Variants in RAB28 observed in about 807,000 individuals in gnomAD.
RAB28 encodes ras-related protein Rab-28.
RAB28 carries 24 observed loss-of-function variants against 31.7 expected under a neutral mutation model. The ratio of observed to expected loss-of-function variants is 0.76; its 90% confidence interval spans 0.55 to 1.06. The LOEUF (loss-of-function observed/expected upper bound fraction) is 1.06. Ranked by LOEUF, RAB28 falls within the 50% of genes least tolerant of loss-of-function variation. The probability of loss-of-function intolerance (pLI) is 0.00; values close to 1 mark genes in which losing one functional copy is unlikely to be tolerated. For missense variants in RAB28, 254 were observed against 258.5 expected, an observed-to-expected ratio of 0.98 and a Z score of 0.12; for synonymous variants, 100 against 90.4, an observed-to-expected ratio of 1.11 and a Z score of -0.60.
At chr4:13,440,777 A>C (rs1183148651) in intron 4 of RAB28, among the ~76,000 whole-genome samples, 1 of 152,106 alleles carries the variant, frequency 6.6e-6, no homozygotes, top group Non-Finnish European at 1.5e-5. Context: ...AGAGGTAATT[A>C]AGGTAAAATG....
intron 4 of RAB28, among the ~76,000 whole-genome samples, chr4:13,399,769 T>C (rs1248581676): frequency 1.3e-5 from 2 of 152,210 alleles, no homozygotes; most frequent in Non-Finnish European, 2.9e-5. Flanking sequence ...CTTTTTCTTG[T>C]AGATTTGAAA....
chr4:13,449,207 G>C (rs1714845217), intron 4 of RAB28, among the ~76,000 whole-genome samples: 1 of 151,864 alleles, frequency 6.6e-6, no homozygotes, highest in African/African-American at 2.4e-5. Flanking sequence ...TTTTATACAA[G>C]TTGATATGAA....
At chr4:13,428,023 T>G (rs1713605372) in intron 4 of RAB28, among the ~76,000 whole-genome samples, 1 of 152,166 alleles carries the variant, frequency 6.6e-6, no homozygotes, top group Non-Finnish European at 1.5e-5. Flanking sequence ...CGTGATGGAT[T>G]GAGCAAGCAG....
intron 4 of RAB28, among the ~76,000 whole-genome samples, chr4:13,435,017 C>CAAAAAAA (rs991889676): frequency 8.5e-5 from 4 of 47,012 alleles, no homozygotes; most frequent in East Asian, 6.4e-4. Context: ...GACTCCGTCT[C>CAAAAAAA]AAAAAAAAAA....
At chr4:13,457,977 A>C (rs895971805) in intron 4 of RAB28, among the ~76,000 whole-genome samples, 1 of 152,200 alleles carries the variant, frequency 6.6e-6, no homozygotes, top group African/African-American at 2.4e-5. Context: ...CACATACTTA[A>C]CCATAATATA....
At chr4:13,458,850 T>C (rs1715443785) in intron 4 of RAB28, among the ~76,000 whole-genome samples, 1 of 152,232 alleles carries the variant, frequency 6.6e-6, no homozygotes, top group East Asian at 1.9e-4. Flanking sequence ...GGCCATACCA[T>C]ATAGGTTTGT....
chr4:13,444,618 G>A (rs960524958), intron 4 of RAB28, among the ~76,000 whole-genome samples: 1 of 152,104 alleles, frequency 6.6e-6, no homozygotes, highest in Non-Finnish European at 1.5e-5. Context: ...TTTACATTTC[G>A]AACAGTATAC....
At chr4:13,389,869 A>G (rs550350125) in intron 4 of RAB28, among the ~76,000 whole-genome samples, 3 of 149,334 alleles carry the variant, frequency 2.0e-5, no homozygotes, top group African/African-American at 5.1e-5. Flanking sequence ...CCTTCATGCT[A>G]AAAAACTCTC....
At chr4:13,406,128 T>A (rs1316970678) in intron 4 of RAB28, among the ~76,000 whole-genome samples, 1 of 152,120 alleles carries the variant, frequency 6.6e-6, no homozygotes, top group Non-Finnish European at 1.5e-5. Context: ...ATTAGGTATT[T>A]CTCCTAACAC....
chr4:13,452,308 C>T (rs1247747803), intron 4 of RAB28, among the ~76,000 whole-genome samples: 1 of 151,582 alleles, frequency 6.6e-6, no homozygotes, highest in East Asian at 1.9e-4. Context: ...TTCTTTCCTT[C>T]TACTGATTTT....
intron 2 of RAB28, among the ~76,000 whole-genome samples, chr4:13,478,160 G>A (rs1323121174): frequency 1.3e-5 from 2 of 151,586 alleles, no homozygotes. Flanking sequence ...AGTGACTGCT[G>A]TTAAGTATTC....
chr4:13,369,955 C>T, intron 6 of RAB28: 1 of 1,611,164 alleles, frequency 6.2e-7, no homozygotes, highest in Non-Finnish European at 8.5e-7. Context: ...TATTTCTGCC[C>T]TGACAATACG....
chr4:13,390,109 G>A (rs761116879), intron 4 of RAB28, among the ~76,000 whole-genome samples: 1 of 152,160 alleles, frequency 6.6e-6, no homozygotes, highest in Admixed American at 6.5e-5. Flanking sequence ...AAAAGAGGAA[G>A]TCAAATTGTT....
At chr4:13,456,426 A>C (rs1483451348) in intron 4 of RAB28, among the ~76,000 whole-genome samples, 1 of 152,238 alleles carries the variant, frequency 6.6e-6, no homozygotes, top group Non-Finnish European at 1.5e-5. Flanking sequence ...CTTACTATGC[A>C]AAAGACCACA....
chr4:13,409,368 T>C (rs1177613686), intron 4 of RAB28, among the ~76,000 whole-genome samples: 1 of 152,218 alleles, frequency 6.6e-6, no homozygotes, highest in Non-Finnish European at 1.5e-5. Context: ...TATATGTCTA[T>C]AGCATAACGT....
intron 4 of RAB28, among the ~76,000 whole-genome samples, chr4:13,432,237 A>ATGTT (rs1713847925): frequency 6.6e-6 from 1 of 152,120 alleles, no homozygotes; most frequent in African/African-American, 2.4e-5. Flanking sequence ...GTCACACAAA[A>ATGTT]ATAAACAAAA....
At chr4:13,474,106 C>T in intron 3 of RAB28, 1 of 705,648 alleles carries the variant, frequency 1.4e-6, no homozygotes, top group Non-Finnish European at 2.6e-6. Context: ...GAAAGCTGTT[C>T]AGAGTTTTCC....
intron 3 of RAB28, among the ~76,000 whole-genome samples, chr4:13,471,957 A>G (rs1325599133): frequency 2.6e-5 from 4 of 152,026 alleles, no homozygotes; most frequent in African/African-American, 7.2e-5. Flanking sequence ...TAATGAAGAC[A>G]TTTTACTAAA....
At chr4:13,368,905 T>C (rs1170456845) in intron 6 of RAB28, among the ~76,000 whole-genome samples, 1 of 151,990 alleles carries the variant, frequency 6.6e-6, no homozygotes, top group South Asian at 2.1e-4. Flanking sequence ...ATCATAAGTC[T>C]AATGAAAAAC....
Sources: allele counts gnomAD v4.1 joint callset (sites outside exome capture counted in the v4.1 genomes callset), GRCh38; gene constraint gnomAD v4.1.1; transcripts MANE v1.5; gene names NCBI Gene and HGNC (gene_info 2026-07-23, HGNC 2026-07-21).